Variants in RPS21 observed in about 807,000 individuals in gnomAD.
The protein encoded by RPS21 is small ribosomal subunit protein eS21.
A neutral mutation model predicts 14.5 loss-of-function variants in RPS21; 6 were observed. The ratio of observed to expected loss-of-function variants is 0.41; its 90% CI spans 0.23 to 0.82. The LOEUF (loss-of-function observed/expected upper bound fraction) is 0.82, where lower values mean the gene tolerates loss of function less well. Among genes scored for constraint, RPS21 ranks in the 40% least tolerant of loss-of-function variants. RPS21 has a pLI of 0.31. For missense variants in RPS21, 85 were observed against 115.0 expected, an observed-to-expected ratio of 0.74 and a Z score of 1.19; for synonymous variants, 61 against 42.6, an observed-to-expected ratio of 1.43 and a Z score of -1.69.
chr20:62,387,467 C>A, intron 2 of RPS21, 79 bp downstream of exon 2: 1 of 1,592,144 alleles, frequency 6.3e-7, no homozygotes, highest in Non-Finnish European at 8.6e-7. Context: ...CCCCCACACC[C>A]CTCCCGTCCT....
chr20:62,387,753 C>T (rs774298600), intron 3 of RPS21, 79 bp downstream of exon 3: 8 of 1,613,910 alleles, frequency 5.0e-6, no homozygotes, highest in East Asian at 2.2e-5. Context: ...GGAGGAGCCC[C>T]TGGGGTGAAG....
chr20:62,388,465 G>C lies in RPS21; in HGVS notation c.251G>C (p.Ter84SerextTer12). ...TTTTCCCCTGGTTCTAGGAACTTTT[G>C]ACTGGAGAGAATCACAGATGTGGAA... is the stretch of plus-strand genomic sequence containing the variant. ...KADGIVSKNF[*>S] is the part of the protein sequence containing the mutation. The change falls in exon 6 of 6, where the codon TGA becomes TCA. Residue 84 changes from the stop codon to serine, a stop_lost. Transcript: ENST00000343986. 1.9e-6 allele frequency: 3 copies of C among 1,613,666 alleles called. No individual in the cohort carries two copies. Among genetic ancestry groups the C allele is most frequent in the Non-Finnish European group, 2.5e-6 (3 of 1,179,628 alleles).
chr20:62,387,615 G>T lies in RPS21; in HGVS notation c.55G>T (p.Ala19Ser). The change falls in exon 3 of 6, where the codon GCT becomes TCT. Residue 19 changes from alanine (A) to serine (S), a missense_variant. Transcript: ENST00000343986. ...CACTGCGCCCTTTCTCCACAGCTCCGCTAGCAATCGCATCATCGGTGCCAA... is the reference window on the plus strand; with the variant it reads ...CACTGCGCCCTTTCTCCACAGCTCCTCTAGCAATCGCATCATCGGTGCCAA... ...VDLYVPRKCSASNRIIGAKDH... is the reference protein window; with the variant it reads ...VDLYVPRKCSSSNRIIGAKDH... 6.2e-7 allele frequency: 1 copy of T among 1,612,262 alleles called. No homozygotes were observed. The highest frequency in any genetic ancestry group is 1.1e-5 in the South Asian group (1 of 90,984).
chr20:62,388,266 C>T (rs758102755), intron 4 of RPS21, 43 bp from the exon 5 acceptor site: 31 of 1,567,792 alleles, frequency 2.0e-5, no homozygotes, highest in Non-Finnish European at 2.5e-5. Flanking sequence ...CTCAGGCAGC[C>T]GGAGTGGAAA....
intron 4 of RPS21, 124 bp downstream of exon 4, chr20:62,388,038 GCTGGCCGCCTGCCGCT>G: frequency 6.3e-7 from 1 of 1,576,958 alleles, no homozygotes; most frequent in Non-Finnish European, 8.6e-7. Context: ...GCTGGACTGG[GCTGGCCGCCTGCCGCT>G]TCTTGAGGGT....
chr20:62,387,917 G>A lies in RPS21; in HGVS notation c.186+3G>A. ...TCTGCGGGGCCATTCGTAGGATGGT[G>A]AGTGTTTCCCTGGGCTTTGCTCATC... On this transcript the variant is annotated splice_donor_region_variant and intron_variant, in intron 4 of 5. Transcript: ENST00000343986. The A allele has an allele frequency of 6.2e-7, 1 of 1,614,222 alleles. No individual in the cohort carries two copies. Among genetic ancestry groups the A allele is most frequent in the Non-Finnish European group, 8.5e-7 (1 of 1,180,034 alleles).
chr20:62,388,314 G>C lies in RPS21; in HGVS notation c.192G>C (p.Glu64Asp). The C allele has an allele frequency of 6.3e-7, 1 of 1,588,164 alleles. No individual in the cohort carries two copies. Among genetic ancestry groups the C allele is most frequent in the Non-Finnish European group, 8.5e-7 (1 of 1,173,228 alleles). ...AICGAIRRMG[E>D]SDDSILRLAK... ...GCTTTTTTTTTTTTCTTAAGGGTGA[G>C]TCAGATGATTCCATTCTCCGATTGG... The change falls in exon 5 of 6, where the codon GAG becomes GAC. Residue 64 changes from glutamate (E) to aspartate (D), a missense_variant. Physicochemically the swap from Glu to Asp is conservative, Grantham distance 45 (BLOSUM62 2). Coordinates refer to ENST00000343986, the MANE Select transcript of RPS21 (RefSeq NM_001024.4).
chr20:62,388,485 G>T lies in RPS21; in HGVS notation c.*19G>T, dbSNP rs201393003. 1.2e-6 allele frequency: 2 copies of T among 1,611,734 alleles called. No individual in the cohort carries two copies. Among genetic ancestry groups the T allele is most frequent in the East Asian group, 4.5e-5 (2 of 44,876 alleles). On this transcript the variant is annotated 3_prime_UTR_variant, in exon 6 of 6. Coordinates refer to ENST00000343986, the MANE Select transcript of RPS21 (RefSeq NM_001024.4). ...CTTTTGACTGGAGAGAATCACAGAT[G>T]TGGAATATTTGTCATAAATAAATAA...
chr20:62,387,998 G>C lies in RPS21; in HGVS notation c.186+84G>C, dbSNP rs748832869. ...CATTGGAGTGTGTGATGGTGCCTGA[G>C]TAGATCTGCTGGCAGAGTAGTTTGA... On this transcript the variant is annotated intron_variant, in intron 4 of 5. Coordinates refer to ENST00000343986, the MANE Select transcript of RPS21 (RefSeq NM_001024.4). 2.5e-6 allele frequency: 4 copies of C among 1,613,140 alleles called. No individual in the cohort carries two copies. In the African/African-American group the frequency reaches 4.0e-5, roughly 16 times the overall value.
intron 5 of RPS21, 35 bp from the exon 6 acceptor site, chr20:62,388,422 G>C: frequency 6.2e-7 from 1 of 1,613,714 alleles, no homozygotes; most frequent in South Asian, 1.1e-5. Flanking sequence ...CTCCAGAGGC[G>C]TGGTCTTAAC....
Position 62,387,928 on chromosome 20 carries a change from T to A in RPS21, c.186+14T>A. 6.2e-7 allele frequency: 1 copy of A among 1,614,248 alleles called. No homozygotes were observed. Among genetic ancestry groups the A allele is most frequent in the Non-Finnish European group, 8.5e-7 (1 of 1,180,036 alleles). ...ATTCGTAGGATGGTGAGTGTTTCCC[T>A]GGGCTTTGCTCATCACTTCGGGACA... On this transcript the variant is annotated intron_variant, in intron 4 of 5. Coordinates refer to ENST00000343986, the MANE Select transcript of RPS21 (RefSeq NM_001024.4).
Position 62,387,686 on chromosome 20 carries a change from G to A in RPS21, c.114+12G>A. The A allele has an allele frequency of 1.8e-5, 29 of 1,614,142 alleles. No homozygotes were observed. The highest frequency in any genetic ancestry group is 2.5e-5 in the Non-Finnish European group (29 of 1,180,030). ...TGAACGTGGCCGAGGTGAGCTGGGAGCCCGGGAGGCGGGAAGGTTGTGATA... is the reference window on the plus strand; with the variant it reads ...TGAACGTGGCCGAGGTGAGCTGGGAACCCGGGAGGCGGGAAGGTTGTGATA... On this transcript the variant is annotated intron_variant, in intron 3 of 5. Coordinates refer to ENST00000343986, the MANE Select transcript of RPS21 (RefSeq NM_001024.4).
intron 4 of RPS21, 135 bp from the exon 5 acceptor site, chr20:62,388,174 A>G (rs905138108): frequency 2.7e-6 from 4 of 1,458,932 alleles, no homozygotes; most frequent in East Asian, 4.9e-5. Context: ...GCCCCGGGAG[A>G]GGTGGCTCCC....
intron 1 of RPS21, 55 bp from the exon 2 acceptor site, chr20:62,387,266 G>A: frequency 2.1e-6 from 3 of 1,414,908 alleles, no homozygotes; most frequent in Non-Finnish European, 2.9e-6. Context: ...GGTTTGCGCC[G>A]GGAGCCGGGG....
chr20:62,387,807 T>A (rs1008905114), intron 3 of RPS21, 36 bp from the exon 4 acceptor site: 2 of 1,613,674 alleles, frequency 1.2e-6, no homozygotes, highest in African/African-American at 2.7e-5. Flanking sequence ...TTCCCAAACC[T>A]GGGGGAGTGG....
Position 62,388,494 on chromosome 20 carries a change from T to A in RPS21, c.*28T>A, listed in dbSNP as rs1385214031. ...GGAGAGAATCACAGATGTGGAATAT[T>A]TGTCATAAATAAATAATGAAAACCT... On this transcript the variant is annotated 3_prime_UTR_variant, in exon 6 of 6. Coordinates refer to ENST00000343986, the MANE Select transcript of RPS21 (RefSeq NM_001024.4). 5.6e-6 allele frequency: 9 copies of A among 1,610,696 alleles called. No homozygotes were observed. Among genetic ancestry groups the A allele is most frequent in the African/African-American group, 1.3e-5 (1 of 75,006 alleles).
In RPS21 at chr20:62,388,212, C is replaced by T. The variant is rs1354390949; in HGVS notation, c.187-97C>T. 8.9e-6 allele frequency: 13 copies of T among 1,467,718 alleles called. No individual in the cohort carries two copies. In the East Asian group the frequency reaches 1.5e-4, roughly 17 times the overall value. 90.9% of individuals were successfully genotyped at this position (1,467,718 alleles called of 1,614,324 possible). ...TCTGCGCCTGTCTCCATTCGCTCAG[C>T]GGGGGAGAGACGTGGGCTGGTGGCA... On this transcript the variant is annotated intron_variant, in intron 4 of 5. Transcript: ENST00000343986.
rs751938827 is a variant in RPS21, at chr20:62,387,975, T to C, written c.186+61T>C. 7.4e-6 allele frequency: 12 copies of C among 1,614,022 alleles called. No homozygotes were observed. In the Admixed American group the frequency reaches 1.2e-4, roughly 16 times the overall value. On this transcript the variant is annotated intron_variant, in intron 4 of 5. Transcript: ENST00000343986. ...GACATCGTGGACTTTACCGTGCGCA[T>C]TGGAGTGTGTGATGGTGCCTGAGTA...
chr20:62,388,196 G>T, intron 4 of RPS21, 113 bp from the exon 5 acceptor site: 1 of 1,460,420 alleles, frequency 6.8e-7, no homozygotes. Flanking sequence ...TTCTGCGCCT[G>T]TCTCCATTCG....
Sources: gnomAD v4.1 joint callset for allele counts on GRCh38, gnomAD v4.1.1 for gene constraint, MANE v1.5 for transcripts, NCBI Gene and HGNC (gene_info 2026-07-23, HGNC 2026-07-21) for gene names.